The following VASP variants were observed in gnomAD, a reference collection of about 807,000 sequenced individuals.
VASP encodes vasodilator-stimulated phosphoprotein.
In VASP, 27 loss-of-function variants were observed where a neutral mutation model predicts 54.4. The ratio of observed to expected loss-of-function variants is 0.50; its 90% CI spans 0.37 to 0.68. VASP has a LOEUF of 0.68. Among genes scored for constraint, VASP ranks in the 30% least tolerant of loss-of-function variants. The pLI, the probability that VASP is intolerant of heterozygous loss-of-function variation, is 0.00. For missense variants in VASP, 488 were observed against 528.3 expected, an observed-to-expected ratio of 0.92 and a Z score of 0.75; for synonymous variants, 233 against 209.8, an observed-to-expected ratio of 1.11 and a Z score of -0.96.
rs1312364916 is a variant in VASP, at chr19:45,507,691, GC to G, written c.-77del. 2 of 1,504,496 alleles carry G rather than the reference GC, an allele frequency of 1.3e-6. No individual in the cohort carries two copies. Among genetic ancestry groups the G allele is most frequent in the African/African-American group, 2.9e-5 (2 of 69,606 alleles). The allele number at this position is 1,504,496 out of a possible 1,614,324, so 93.2% of individuals were successfully genotyped here. On this transcript the variant is annotated 5_prime_UTR_variant, in exon 1 of 13. Coordinates refer to ENST00000245932, the MANE Select transcript of VASP (RefSeq NM_003370.4). This position sits in a 1 kb window ranked among gnomAD's most constrained non-coding sequence, Gnocchi z 4.4. Reference sequence around the variant, plus strand: ...GGAGCCTGAGCCGAGCCCGGAGCCAGCCCCGAACCCCTGAACCTCCAGCCAG... The same window carrying G: ...GGAGCCTGAGCCGAGCCCGGAGCCAGCCCGAACCCCTGAACCTCCAGCCAG...
Position 45,522,459 on chromosome 19 carries a change from G to A in VASP, c.598G>A (p.Ala200Thr), listed in dbSNP as rs1171428056. ...GGGGGTCCCAGCTGCAGCGCACGGAGCAGGGGGAGGACCACCCCCTGCACC... is the reference window on the plus strand; with the variant it reads ...GGGGGTCCCAGCTGCAGCGCACGGAACAGGGGGAGGACCACCCCCTGCACC... ...PSGVPAAAHG[A>T]GGGPPPAPPL... The change falls in exon 6 of 13, where the codon GCA becomes ACA. Residue 200 changes from alanine (A) to threonine (T), a missense_variant. Physicochemically the swap from Ala to Thr is moderately conservative, Grantham distance 58. Around this residue, in one of 4 missense-constraint regions of VASP, gnomAD observed 226 missense variants for 196.0 expected, o/e 1.15. Transcript: ENST00000245932. 6.7e-7 allele frequency: 1 copy of A among 1,496,386 alleles called. No individual in the cohort carries two copies. The highest frequency in any genetic ancestry group is 1.3e-5 in the South Asian group (1 of 74,078). The allele number at this position is 1,496,386 out of a possible 1,614,324, so 92.7% of individuals were successfully genotyped here. A position where few individuals can be genotyped will look rare whatever the true frequency, so the allele number is the denominator to read the frequency against.
chr19:45,523,897 C>G lies in VASP; in HGVS notation c.910+20C>G. On this transcript the variant is annotated intron_variant, in intron 9 of 12. Transcript: ENST00000245932. ...AGAGTGGTGAGTAGAGTGCCCAGTC[C>G]AGCCACAGGAACTACAAATCCCAGA... 6.2e-7 allele frequency: 1 copy of G among 1,613,806 alleles called. No individual in the cohort carries two copies. Among genetic ancestry groups the G allele is most frequent in the Non-Finnish European group, 8.5e-7 (1 of 1,179,898 alleles).
At chr19:45,522,876 C>T in intron 7 of VASP, 58 bp downstream of exon 7, 1 of 1,493,642 alleles carries the variant, frequency 6.7e-7, no homozygotes, top group South Asian at 1.2e-5. Flanking sequence ...AGGGCCCAGT[C>T]AGAGGAGGGC....
At chr19:45,520,456 C>A (rs1310415438) in intron 3 of VASP, among the ~76,000 whole-genome samples, 1 of 152,224 alleles carries the variant, frequency 6.6e-6, no homozygotes, top group Non-Finnish European at 1.5e-5. Context: ...GGGACAACTT[C>A]TGTGCTAGTG....
At chr19:45,513,272 CT>C (rs1028699333) in intron 1 of VASP, among the ~76,000 whole-genome samples, 1 of 151,828 alleles carries the variant, frequency 6.6e-6, no homozygotes, top group Non-Finnish European at 1.5e-5. Flanking sequence ...GTGAGGGAGT[CT>C]TGCTCTGTTG....
intron 1 of VASP, among the ~76,000 whole-genome samples, chr19:45,508,807 T>C (rs1278180408): frequency 2.0e-5 from 3 of 152,164 alleles, no homozygotes; most frequent in African/African-American, 4.8e-5. Context: ...AGGAATTTAA[T>C]CCTGGGGGTG....
At chr19:45,523,528 C>T (rs1968891161) in intron 7 of VASP, 116 bp from the exon 8 acceptor site, 2 of 1,204,110 alleles carry the variant, frequency 1.7e-6, no homozygotes, top group Non-Finnish European at 2.3e-6. Context: ...CTAGAGTTTC[C>T]TTAGGTTTTC....
rs1252782765 is a variant in VASP, at chr19:45,524,208, C to T, written c.956+66C>T. 3 of 1,575,790 alleles carry T rather than the reference C, an allele frequency of 1.9e-6. No individual in the cohort carries two copies. In the African/African-American group the frequency reaches 4.1e-5, roughly 21 times the overall value. On this transcript the variant is annotated intron_variant, in intron 10 of 12. Coordinates refer to ENST00000245932, the MANE Select transcript of VASP (RefSeq NM_003370.4). Reference sequence around the variant, plus strand: ...GGCAGATCGCTTGAGCCCAGGAGGTCAAGACCAGCCTGGGCAACATGGCGA... The same window carrying T: ...GGCAGATCGCTTGAGCCCAGGAGGTTAAGACCAGCCTGGGCAACATGGCGA...
intron 1 of VASP, among the ~76,000 whole-genome samples, chr19:45,508,641 C>T (rs1968539448): frequency 6.6e-6 from 1 of 152,144 alleles, no homozygotes; most frequent in Non-Finnish European, 1.5e-5. Context: ...CGCTGTAGGC[C>T]GGCTGCCTTC....
At chr19:45,514,701 G>T (rs1055477257) in intron 1 of VASP, among the ~76,000 whole-genome samples, 2 of 152,186 alleles carry the variant, frequency 1.3e-5, no homozygotes, top group African/African-American at 4.8e-5. Flanking sequence ...GCAGCCCCGG[G>T]CTCCTGGCCA....
At chr19:45,519,257 G>A (rs890594934) in intron 3 of VASP, among the ~76,000 whole-genome samples, 5 of 151,876 alleles carry the variant, frequency 3.3e-5, no homozygotes, top group Admixed American at 6.6e-5. Flanking sequence ...CTTGTGATCC[G>A]CCCGCCTAGG....
chr19:45,521,374 C>T lies in VASP; in HGVS notation c.396C>T (p.Gly132=), dbSNP rs1186809864. ...PALPTWSVPN[G]PSPEEVEQQK... ...TTCCCACCTGGTCGGTCCCGAACGG[C>T]CCCTCCCCGGAGGAGGTGGAGCAGC... Residue 132 remains glycine, a synonymous_variant, in exon 4 of 13, where the codon GGC becomes GGT. Transcript: ENST00000245932. The T allele has an allele frequency of 1.9e-6, 3 of 1,580,204 alleles. No individual in the cohort carries two copies. The Admixed American group carries it at 5.5e-5, about 29-fold the overall frequency.
chr19:45,525,381 T>C (rs1254101598), intron 11 of VASP, among the ~76,000 whole-genome samples: 3 of 152,214 alleles, frequency 2.0e-5, no homozygotes, highest in South Asian at 2.1e-4. Flanking sequence ...CTGGCCAACA[T>C]GGTGAAACCC....
intron 1 of VASP, among the ~76,000 whole-genome samples, chr19:45,513,411 A>G (rs908152708): frequency 2.7e-5 from 4 of 147,708 alleles, no homozygotes; most frequent in Non-Finnish European, 4.5e-5. Context: ...CACCCAGCTA[A>G]TTTTAAAGTT....
chr19:45,512,039 G>A (rs1378490870), intron 1 of VASP, among the ~76,000 whole-genome samples: 1 of 152,130 alleles, frequency 6.6e-6, no homozygotes. Flanking sequence ...GGGAAGTGGA[G>A]GCTGGGAGGC....
chr19:45,520,225 C>A (rs940889074), intron 3 of VASP, among the ~76,000 whole-genome samples: 1 of 152,112 alleles, frequency 6.6e-6, no homozygotes, highest in Non-Finnish European at 1.5e-5. Flanking sequence ...TAAACCTTAA[C>A]GTGCACATGA....
At chr19:45,518,472 G>A (rs1055926690) in intron 3 of VASP, among the ~76,000 whole-genome samples, 3 of 152,166 alleles carry the variant, frequency 2.0e-5, no homozygotes, top group African/African-American at 7.2e-5. Flanking sequence ...TGAGGGACGA[G>A]AAGTGTTTGA....
intron 3 of VASP, 89 bp downstream of exon 3, chr19:45,518,183 C>T (rs890711453): frequency 5.8e-5 from 87 of 1,493,050 alleles, no homozygotes; most frequent in Non-Finnish European, 6.5e-5. Flanking sequence ...TTGGTTTACT[C>T]GTCGGTAAAA....
chr19:45,518,377 A>G (rs1303005240), intron 3 of VASP, among the ~76,000 whole-genome samples: 3 of 152,058 alleles, frequency 2.0e-5, no homozygotes, highest in African/African-American at 7.2e-5. Flanking sequence ...ACCGTGCCCA[A>G]CATGGTGAAA....
Sources: allele counts gnomAD v4.1 joint callset (sites outside exome capture counted in the v4.1 genomes callset), GRCh38; gene constraint gnomAD v4.1.1; regional missense constraint gnomAD v4.1.1; non-coding constraint Gnocchi (gnomAD v3.1); transcripts MANE v1.5; gene names NCBI Gene and HGNC (gene_info 2026-07-23, HGNC 2026-07-21).